KIAA1958: variants seen among roughly 807,000 people sequenced by gnomAD.
KIAA1958 encodes the protein KIAA1958.
Under a neutral mutation model 47.2 loss-of-function variants are expected in KIAA1958, and 14 were observed. That is an observed-to-expected ratio of 0.30 (90% confidence interval 0.20 to 0.46). The LOEUF (loss-of-function observed/expected upper bound fraction) is 0.46, where lower values mean the gene tolerates loss of function less well. Ranked by LOEUF, KIAA1958 falls within the 20% of genes least tolerant of loss-of-function variation. The pLI is 1.00. For missense variants in KIAA1958, 803 were observed against 909.2 expected (o/e 0.88, Z 1.50); for synonymous variants, 354 against 353.3 (o/e 1.00, Z -0.02).
intron 3 of KIAA1958, among the ~76,000 whole-genome samples, chr9:112,651,151 C>T (rs547846403): frequency 4.6e-5 from 7 of 152,196 alleles, no homozygotes; most frequent in South Asian, 2.1e-4. Flanking sequence ...AAGGACTTAA[C>T]GCTGTCAAAC....
intron 1 of KIAA1958, among the ~76,000 whole-genome samples, chr9:112,563,443 A>G (rs1319361521): frequency 1.3e-5 from 2 of 152,160 alleles, no homozygotes; most frequent in East Asian, 1.9e-4. Context: ...AGTCTTGGGC[A>G]TCTTTTGTAA....
chr9:112,591,605 G>T (rs1158213343), intron 2 of KIAA1958, among the ~76,000 whole-genome samples: 1 of 151,708 alleles, frequency 6.6e-6, no homozygotes, highest in South Asian at 2.1e-4. Context: ...TTAAAAAGCA[G>T]CATGAGGCCA....
intron 2 of KIAA1958, among the ~76,000 whole-genome samples, chr9:112,629,500 T>C (rs1836673699): frequency 6.6e-6 from 1 of 152,214 alleles, no homozygotes; most frequent in African/African-American, 2.4e-5. Context: ...CTGTGTCAAA[T>C]ATGTGACTGA....
chr9:112,613,493 A>G (rs1836361630), intron 2 of KIAA1958, among the ~76,000 whole-genome samples: 1 of 152,230 alleles, frequency 6.6e-6, no homozygotes, highest in Admixed American at 6.5e-5. Flanking sequence ...GATAAATTGG[A>G]CCATATAAAA....
At chr9:112,645,531 C>T (rs970358925) in intron 2 of KIAA1958, 119 bp from the exon 3 acceptor site, 4 of 645,564 alleles carry the variant, frequency 6.2e-6, no homozygotes, top group Non-Finnish European at 7.9e-6. Context: ...CTTTAATAGA[C>T]ATTTCATGTT....
chr9:112,489,762 C>A (rs1281693515), intron 1 of KIAA1958, among the ~76,000 whole-genome samples: 2 of 152,182 alleles, frequency 1.3e-5, no homozygotes, highest in Non-Finnish European at 1.5e-5. Context: ...CTTTTTAAAA[C>A]AACATTAAGC....
chr9:112,512,809 C>G (rs914183366), intron 1 of KIAA1958, among the ~76,000 whole-genome samples: 8 of 151,452 alleles, frequency 5.3e-5, no homozygotes. Context: ...AGGAAGACAC[C>G]AGAGCAGTCA....
chr9:112,567,952 T>C (rs556923895), intron 1 of KIAA1958, among the ~76,000 whole-genome samples: 28 of 71,492 alleles, frequency 3.9e-4, no homozygotes, highest in Non-Finnish European at 5.9e-4. Flanking sequence ...AGAGCGAGAA[T>C]CCATCTCAAA....
chr9:112,660,185 T>C lies in KIAA1958; in HGVS notation c.*116T>C. 1 of 830,264 alleles carries C rather than the reference T, an allele frequency of 1.2e-6. No individual in the cohort carries two copies. Among genetic ancestry groups the C allele is most frequent in the South Asian group, 1.6e-5 (1 of 60,978 alleles). 51.4% of individuals were successfully genotyped at this position (830,264 alleles called of 1,614,324 possible). On this transcript the variant is annotated 3_prime_UTR_variant, in exon 4 of 4. Coordinates refer to ENST00000337530, the MANE Select transcript of KIAA1958 (RefSeq NM_133465.4). ...AGGTGTGACCTCCCGGTCTGGCGGCTCTCCCCTGGTGTGGCCTGCCCTCCC... is the reference window on the plus strand; with the variant it reads ...AGGTGTGACCTCCCGGTCTGGCGGCCCTCCCCTGGTGTGGCCTGCCCTCCC...
intron 2 of KIAA1958, among the ~76,000 whole-genome samples, chr9:112,576,606 G>A (rs1215640908): frequency 6.6e-6 from 1 of 152,070 alleles, no homozygotes; most frequent in South Asian, 2.1e-4. Flanking sequence ...CATATATTAT[G>A]TGGTCTTTTG....
intron 1 of KIAA1958, among the ~76,000 whole-genome samples, chr9:112,554,818 T>C (rs929094971): frequency 2.0e-5 from 3 of 152,172 alleles, no homozygotes; most frequent in Admixed American, 6.5e-5. Flanking sequence ...GGAAGAACCC[T>C]AGATGATTTC....
intron 1 of KIAA1958, among the ~76,000 whole-genome samples, chr9:112,521,902 T>C (rs1315141534): frequency 6.6e-6 from 1 of 152,258 alleles, no homozygotes; most frequent in Non-Finnish European, 1.5e-5. Context: ...GAAATGTCTT[T>C]ATTTTTCTCC....
At chr9:112,525,268 G>T (rs923524836) in intron 1 of KIAA1958, among the ~76,000 whole-genome samples, 2 of 152,162 alleles carry the variant, frequency 1.3e-5, no homozygotes, top group Non-Finnish European at 2.9e-5. Context: ...GGATTAATGA[G>T]AGAATGTTTT....
intron 1 of KIAA1958, among the ~76,000 whole-genome samples, chr9:112,548,463 T>C (rs576995632): frequency 1.3e-5 from 2 of 152,366 alleles, no homozygotes; most frequent in Non-Finnish European, 2.9e-5. Context: ...TCTTAGGATC[T>C]CCTGGGGCTG....
At chr9:112,638,955 A>G (rs1403222239) in intron 2 of KIAA1958, among the ~76,000 whole-genome samples, 1 of 152,116 alleles carries the variant, frequency 6.6e-6, no homozygotes, top group African/African-American at 2.4e-5. Context: ...ACAATCTTAA[A>G]CTCCAAAAAG....
chr9:112,512,710 TAG>T (rs1834343500), intron 1 of KIAA1958, among the ~76,000 whole-genome samples: 1 of 151,486 alleles, frequency 6.6e-6, no homozygotes, highest in South Asian at 2.1e-4. Flanking sequence ...ACCTGGAGCT[TAG>T]AGTCTAGCAG....
At chr9:112,642,158 A>G (rs776162796) in intron 2 of KIAA1958, among the ~76,000 whole-genome samples, 4 of 152,304 alleles carry the variant, frequency 2.6e-5, no homozygotes, top group Non-Finnish European at 5.9e-5. Context: ...CCTGTCTGAT[A>G]ACACTTGGAT....
At chr9:112,600,669 A>G (rs1836115956) in intron 2 of KIAA1958, among the ~76,000 whole-genome samples, 1 of 152,218 alleles carries the variant, frequency 6.6e-6, no homozygotes, top group Non-Finnish European at 1.5e-5. Context: ...TTTTATATTA[A>G]ATACATGAAT....
chr9:112,635,214 T>G (rs1053644692), intron 2 of KIAA1958, among the ~76,000 whole-genome samples: 1 of 130,352 alleles, frequency 7.7e-6, no homozygotes, highest in African/African-American at 3.0e-5. Context: ...ATTCTTTATT[T>G]TGTGTGTGTG....
Sources: allele counts gnomAD v4.1 joint callset (sites outside exome capture counted in the v4.1 genomes callset), GRCh38; gene constraint gnomAD v4.1.1; transcripts MANE v1.5; gene names NCBI Gene and HGNC (gene_info 2026-07-23, HGNC 2026-07-21).